Variants in ANXA3 observed in about 807,000 individuals in gnomAD.
ANXA3 encodes the protein 35-alpha calcimedin.
Under a neutral mutation model 48.8 loss-of-function variants are expected in ANXA3, and 46 were observed. The observed-to-expected ratio is 0.94, with a 90% CI of 0.74 to 1.21. The LOEUF is 1.21. Among genes scored for constraint, ANXA3 ranks in the 50% most tolerant of loss-of-function variants. The probability of loss-of-function intolerance (pLI) is 0.00; values close to 1 mark genes in which losing one functional copy is unlikely to be tolerated. For missense variants in ANXA3, 383 were observed against 378.6 expected (o/e 1.01, Z -0.10); for synonymous variants, 128 against 134.7 (o/e 0.95, Z 0.35).
chr4:78,564,377 T>TA (rs1722686811), intron 2 of ANXA3, among the ~76,000 whole-genome samples: 1 of 152,212 alleles, frequency 6.6e-6, no homozygotes, highest in Non-Finnish European at 1.5e-5. Context: ...AGGAAGCAAC[T>TA]CATCGGGCAG....
At chr4:78,605,767 G>A (rs1005757788) in intron 12 of ANXA3, among the ~76,000 whole-genome samples, 5 of 152,098 alleles carry the variant, frequency 3.3e-5, no homozygotes, top group Admixed American at 1.3e-4. Flanking sequence ...ATTATACATA[G>A]AAACTTCAAA....
intron 7 of ANXA3, among the ~76,000 whole-genome samples, chr4:78,594,364 G>T (rs1723369612): frequency 6.6e-6 from 1 of 152,114 alleles, no homozygotes; most frequent in Non-Finnish European, 1.5e-5. Flanking sequence ...GCAGATTTTT[G>T]TATGGACATG....
chr4:78,573,977 C>T (rs866774629), intron 3 of ANXA3, among the ~76,000 whole-genome samples: 1 of 152,194 alleles, frequency 6.6e-6, no homozygotes, highest in Admixed American at 6.5e-5. Flanking sequence ...GTTTCTGCAG[C>T]TATTTCAACA....
At chr4:78,607,325 A>G (rs1166897951) in intron 12 of ANXA3, among the ~76,000 whole-genome samples, 2 of 152,164 alleles carry the variant, frequency 1.3e-5, no homozygotes, top group African/African-American at 2.4e-5. Context: ...TCTGAAATTC[A>G]TGGGATAGAG....
intron 2 of ANXA3, among the ~76,000 whole-genome samples, chr4:78,565,565 A>G (rs997057582): frequency 1.3e-5 from 2 of 152,184 alleles, no homozygotes; most frequent in African/African-American, 4.8e-5. Context: ...TGCTCCTTTT[A>G]CAGGGATGGG....
chr4:78,595,806 G>T lies in ANXA3; in HGVS notation c.553G>T (p.Ala185Ser), dbSNP rs1476113332. ...AKQDAQILYKAGENRWGTDED... is the reference protein window; with the variant it reads ...AKQDAQILYKSGENRWGTDED... Reference sequence around the variant, plus strand: ...CTCTTGTGAATAGATTCTCTATAAAGCTGGTGAGAACAGATGGGGCACGGA... The same window carrying T: ...CTCTTGTGAATAGATTCTCTATAAATCTGGTGAGAACAGATGGGGCACGGA... Residue 185 changes from alanine (A) to serine (S), a missense_variant, in exon 9 of 13, where the codon GCT becomes TCT. Ala to Ser is a moderately conservative substitution (Grantham distance 99, BLOSUM62 1). Coordinates refer to ENST00000264908, the MANE Select transcript of ANXA3 (RefSeq NM_005139.3). 1.2e-6 allele frequency: 2 copies of T among 1,603,796 alleles called. No individual in the cohort carries two copies. The highest frequency in any genetic ancestry group is 3.3e-5 in the Admixed American group (2 of 59,922).
chr4:78,564,119 A>G (rs1722681681), intron 2 of ANXA3, among the ~76,000 whole-genome samples: 1 of 152,220 alleles, frequency 6.6e-6, no homozygotes, highest in African/African-American at 2.4e-5. Flanking sequence ...TCTGAGAAAG[A>G]TGTTCATGTT....
chr4:78,601,360 CCTTT>C, intron 10 of ANXA3, 146 bp from the exon 11 acceptor site: 1 of 625,884 alleles, frequency 1.6e-6, no homozygotes, highest in Non-Finnish European at 2.8e-6. Context: ...GGGTAAGCAG[CCTTT>C]CTTTCATTCC....
chr4:78,601,430 T>C, intron 10 of ANXA3, 80 bp from the exon 11 acceptor site: 1 of 1,378,426 alleles, frequency 7.3e-7, no homozygotes, highest in Non-Finnish European at 1.0e-6. Context: ...CAAAGAATCT[T>C]TTTAAAAAAC....
At chr4:78,595,994 G>A (rs528066575) in intron 9 of ANXA3, 107 bp downstream of exon 9, 5 of 703,210 alleles carry the variant, frequency 7.1e-6, no homozygotes, top group Non-Finnish European at 1.2e-5. Flanking sequence ...TGCGAAGTCT[G>A]TTCCAGTTAT....
At chr4:78,585,405 A>T (rs980753895) in intron 5 of ANXA3, among the ~76,000 whole-genome samples, 1 of 152,120 alleles carries the variant, frequency 6.6e-6, no homozygotes, top group East Asian at 1.9e-4. Context: ...ATTCCAGGCA[A>T]CTCAAAAGAG....
At chr4:78,573,136 G>A in intron 2 of ANXA3, 44 bp from the exon 3 acceptor site, 1 of 1,395,978 alleles carries the variant, frequency 7.2e-7, no homozygotes, top group Non-Finnish European at 1.0e-6. Context: ...ATACAAGAAA[G>A]ATGTCATTTT....
At chr4:78,585,639 G>T (rs1302178451) in intron 5 of ANXA3, among the ~76,000 whole-genome samples, 1 of 152,214 alleles carries the variant, frequency 6.6e-6, no homozygotes, top group Non-Finnish European at 1.5e-5. Context: ...TGGTAAACTA[G>T]GAATCTCTGC....
At chr4:78,593,934 T>G (rs1014187502) in intron 7 of ANXA3, among the ~76,000 whole-genome samples, 5 of 151,866 alleles carry the variant, frequency 3.3e-5, no homozygotes, top group African/African-American at 1.2e-4. Context: ...ATAGTTTACA[T>G]TAGGGTTCAC....
intron 4 of ANXA3, 54 bp from the exon 5 acceptor site, chr4:78,582,123 A>C (rs1314098146): frequency 8.2e-7 from 1 of 1,212,160 alleles, no homozygotes; most frequent in Non-Finnish European, 1.2e-6. Context: ...AGGTGACTTT[A>C]GAGAAAGAGA....
Position 78,604,276 on chromosome 4 carries a change from G to T in ANXA3, c.790-1G>T. 6.2e-7 allele frequency: 1 copy of T among 1,602,638 alleles called. No individual in the cohort carries two copies. Among genetic ancestry groups the T allele is most frequent in the South Asian group, 1.1e-5 (1 of 89,580 alleles). On this transcript the variant is annotated splice_acceptor_variant, in intron 11 of 12. Coordinates refer to ENST00000264908, the MANE Select transcript of ANXA3 (RefSeq NM_005139.3). LOFTEE classifies it high-confidence loss of function. ...TTGTGAACACCTGCATTCCTTAACAGGGTATTGGAACTGATGAGTTTACTC... is the reference window on the plus strand; with the variant it reads ...TTGTGAACACCTGCATTCCTTAACATGGTATTGGAACTGATGAGTTTACTC...
intron 2 of ANXA3, among the ~76,000 whole-genome samples, chr4:78,562,212 G>A (rs1267884364): frequency 8.8e-6 from 1 of 113,062 alleles, no homozygotes; most frequent in Non-Finnish European, 1.9e-5. Flanking sequence ...TTTTTTGGTG[G>A]ATGTAAAGCA....
intron 3 of ANXA3, among the ~76,000 whole-genome samples, chr4:78,576,152 CCCT>C (rs1273607193): frequency 1.3e-5 from 2 of 152,166 alleles, no homozygotes; most frequent in African/African-American, 2.4e-5. Context: ...TGGCTCTTTG[CCCT>C]CCTCTATGAA....
In ANXA3 at chr4:78,610,045, A is replaced by G. The variant is rs2109829880; in HGVS notation, c.913-11A>G. 2 of 1,597,742 alleles carry G rather than the reference A, an allele frequency of 1.3e-6. No homozygotes were observed. Among genetic ancestry groups the G allele is most frequent in the Non-Finnish European group, 1.7e-6 (2 of 1,166,906 alleles). The stretch of plus-strand genomic sequence containing the variant: ...ACTGTATTTGTTCTTCATTGATTTT[A>G]TTCTTTGCAGTCGGATACTTCTGGA... On this transcript the variant is annotated splice_polypyrimidine_tract_variant and intron_variant, in intron 12 of 12. Coordinates refer to ENST00000264908, the MANE Select transcript of ANXA3 (RefSeq NM_005139.3).
Sources: gnomAD v4.1 joint callset for allele counts (sites outside exome capture counted in the v4.1 genomes callset) on GRCh38, gnomAD v4.1.1 for gene constraint, MANE v1.5 for transcripts, NCBI Gene and HGNC (gene_info 2026-07-23, HGNC 2026-07-21) for gene names.